The following RPRD1B variants were observed in gnomAD, a reference collection of about 807,000 sequenced individuals.
RPRD1B encodes regulation of nuclear pre-mRNA domain-containing protein 1B.
In RPRD1B, 11 loss-of-function variants were observed where a neutral mutation model predicts 41.5. The ratio of observed to expected loss-of-function variants is 0.27; its 90% CI spans 0.17 to 0.44. The LOEUF (loss-of-function observed/expected upper bound fraction) is 0.44. Among genes scored for constraint, RPRD1B ranks in the 20% least tolerant of loss-of-function variants. The probability of loss-of-function intolerance (pLI) is 1.00; values close to 1 mark genes in which losing one functional copy is unlikely to be tolerated. For missense variants in RPRD1B, 248 were observed against 389.9 expected (o/e 0.64, Z 3.06); for synonymous variants, 158 against 155.6 (o/e 1.02, Z -0.12).
chr20:38,089,378 G>A (rs919340244), intron 6 of RPRD1B, among the ~76,000 whole-genome samples: 3 of 152,020 alleles, frequency 2.0e-5, no homozygotes, highest in Admixed American at 6.5e-5. Flanking sequence ...GAAATTGTGA[G>A]GCTCAGGTGT....
intron 1 of RPRD1B, among the ~76,000 whole-genome samples, chr20:38,037,943 A>G (rs1434311101): frequency 6.6e-6 from 1 of 152,076 alleles, no homozygotes; most frequent in South Asian, 2.1e-4. Context: ...TTTGCTTTCG[A>G]ATCTGCTAAC....
intron 6 of RPRD1B, chr20:38,083,841 G>C (rs938074193): frequency 6.6e-6 from 1 of 152,104 alleles, no homozygotes; most frequent in Non-Finnish European, 1.5e-5. Context: ...AGCTCCCGCC[G>C]TGCTGTGACA....
chr20:38,035,399 T>C (rs2073990740), intron 1 of RPRD1B, among the ~76,000 whole-genome samples: 1 of 152,216 alleles, frequency 6.6e-6, no homozygotes. Flanking sequence ...GATGTCCTGC[T>C]CTACAGGTGA....
At chr20:38,085,568 T>A (rs937749650) in intron 6 of RPRD1B, 2 of 152,288 alleles carry the variant, frequency 1.3e-5, no homozygotes, top group African/African-American at 2.4e-5. Flanking sequence ...AGGCCCGGAT[T>A]TCTTCTGAGA....
At chr20:38,040,871 T>C (rs1432680547) in intron 2 of RPRD1B, among the ~76,000 whole-genome samples, 1 of 152,248 alleles carries the variant, frequency 6.6e-6, no homozygotes, top group Non-Finnish European at 1.5e-5. Flanking sequence ...CATCAGCTTA[T>C]GATCAAAAAA....
intron 5 of RPRD1B, 108 bp downstream of exon 5, chr20:38,059,628 G>T (rs1600411426): frequency 1.9e-6 from 2 of 1,062,516 alleles, no homozygotes; most frequent in East Asian, 5.7e-5. Context: ...TTTCCATGTT[G>T]TATTGGTTGC....
intron 5 of RPRD1B, among the ~76,000 whole-genome samples, chr20:38,063,260 G>A (rs2074319098): frequency 1.3e-5 from 2 of 151,966 alleles, no homozygotes; most frequent in Non-Finnish European, 2.9e-5. Flanking sequence ...CCACCTTCCA[G>A]TGCCCCACTT....
chr20:38,040,572 G>A lies in RPRD1B; in HGVS notation c.281+8G>A, dbSNP rs747246858. ...TTTTTCTCATGTTGCCAGGTATGTT[G>A]TCTGTTTTTTGGATTTGTTTTTAAA... On this transcript the variant is annotated splice_region_variant and intron_variant, in intron 2 of 6. Coordinates refer to ENST00000373433, the MANE Select transcript of RPRD1B (RefSeq NM_021215.4). The A allele has an allele frequency of 2.5e-6, 4 of 1,583,608 alleles. No homozygotes were observed. The highest frequency in any genetic ancestry group is 3.4e-6 in the Non-Finnish European group (4 of 1,170,676).
rs144269847 is a variant in RPRD1B at position 38,081,395 on chromosome 20, A to G, written c.832-8331A>G. Among the ~76,000 whole-genome samples, 1,276 of 152,236 alleles carry G rather than the reference A, an allele frequency of 8.4e-3. 10 individuals carry two copies. The highest frequency in any genetic ancestry group is 0.025 in the African/African-American group (1,042 of 41,536). On this transcript the variant is annotated intron_variant, in intron 6 of 6. Coordinates refer to ENST00000373433, the MANE Select transcript of RPRD1B (RefSeq NM_021215.4). ...CTATAGAAATGCTACTGATTTTTGTATATTGATTTTGTGTCCTGAAGCTTT... is the reference window on the plus strand; with the variant it reads ...CTATAGAAATGCTACTGATTTTTGTGTATTGATTTTGTGTCCTGAAGCTTT...
Position 38,041,687 on chromosome 20 carries a change from G to T in RPRD1B, c.281+1123G>T, listed in dbSNP as rs540742365. Among the ~76,000 whole-genome samples, 4 of 152,254 alleles carry T rather than the reference G, an allele frequency of 2.6e-5. No individual in the cohort carries two copies. In the South Asian group the frequency reaches 8.3e-4, roughly 32 times the overall value. ...GTTCACAGTTGCTTAGAAATTGATG[G>T]TAGCTCTGCCTCAGACACTATGTGA... is the stretch of plus-strand genomic sequence containing the variant. On this transcript the variant is annotated intron_variant, in intron 2 of 6. Coordinates refer to ENST00000373433, the MANE Select transcript of RPRD1B (RefSeq NM_021215.4).
intron 2 of RPRD1B, among the ~76,000 whole-genome samples, chr20:38,042,633 T>C (rs894198965): frequency 1.3e-5 from 2 of 152,194 alleles, no homozygotes; most frequent in Non-Finnish European, 2.9e-5. Flanking sequence ...AGGATACCCA[T>C]GTTTCCAATC....
chr20:38,042,477 C>G (rs764541668), intron 2 of RPRD1B, among the ~76,000 whole-genome samples: 1 of 152,136 alleles, frequency 6.6e-6, no homozygotes, highest in Non-Finnish European at 1.5e-5. Context: ...CTTGGGAACA[C>G]CTTAAAAACT....
rs144503744 is a variant in RPRD1B, at chr20:38,059,474, T to G, written c.609T>G (p.Ser203=). 43 of 1,614,136 alleles carry G rather than the reference T, an allele frequency of 2.7e-5. No homozygotes were observed. In the African/African-American group the frequency reaches 5.3e-4, roughly 20 times the overall value. The change falls in exon 5 of 7, where the codon TCT becomes TCG. Residue 203 remains serine, a synonymous_variant. Transcript: ENST00000373433. ...GDATVRQKIA[S]LPQEVQDVSL... ...CTACTGTCCGACAGAAAATTGCTTC[T>G]CTGCCCCAGGAAGTGCAAGATGTTT... is the stretch of plus-strand genomic sequence containing the variant.
At chr20:38,083,518 G>A (rs1272110111) in intron 6 of RPRD1B, among the ~76,000 whole-genome samples, 3 of 152,114 alleles carry the variant, frequency 2.0e-5, no homozygotes, top group Non-Finnish European at 4.4e-5. Flanking sequence ...CAGGGGTTTT[G>A]TTGTGCCAGT....
chr20:38,051,653 A>G (rs1341413156), intron 3 of RPRD1B, among the ~76,000 whole-genome samples: 3 of 152,206 alleles, frequency 2.0e-5, no homozygotes, highest in Admixed American at 6.5e-5. Flanking sequence ...CACGGTTTCA[A>G]TATTGGTAGG....
chr20:38,063,751 C>T (rs553030011), intron 5 of RPRD1B, among the ~76,000 whole-genome samples: 3 of 152,196 alleles, frequency 2.0e-5, no homozygotes, highest in African/African-American at 4.8e-5. Context: ...GAGGACTGGC[C>T]GAAAGAGGCA....
intron 6 of RPRD1B, among the ~76,000 whole-genome samples, chr20:38,088,900 G>A (rs2074587264): frequency 1.3e-5 from 2 of 152,204 alleles, no homozygotes; most frequent in African/African-American, 4.8e-5. Flanking sequence ...GAGCAGAGGA[G>A]TGGAGGCCAG....
chr20:38,052,515 C>T (rs1452336931), intron 3 of RPRD1B, among the ~76,000 whole-genome samples: 1 of 152,052 alleles, frequency 6.6e-6, no homozygotes, highest in African/African-American at 2.4e-5. Flanking sequence ...GTTTAATGTG[C>T]CTTATTAAAA....
intron 6 of RPRD1B, among the ~76,000 whole-genome samples, chr20:38,087,747 T>A (rs2122775711): frequency 6.6e-6 from 1 of 152,312 alleles, no homozygotes; most frequent in African/African-American, 2.4e-5. Context: ...GGGGTTCAGA[T>A]CCTCAAATTT....
Sources: allele counts gnomAD v4.1 joint callset (sites outside exome capture counted in the v4.1 genomes callset), GRCh38; gene constraint gnomAD v4.1.1; transcripts MANE v1.5; gene names NCBI Gene and HGNC (gene_info 2026-07-23, HGNC 2026-07-21).